Variants in GAREM1 observed in about 807,000 individuals in gnomAD.
GAREM1 encodes GRB2-associated and regulator of MAPK protein 1.
GAREM1 carries 26 observed loss-of-function variants against 71.3 expected under a neutral mutation model. That is an observed-to-expected ratio of 0.36 (90% CI 0.27 to 0.51). GAREM1 has a LOEUF of 0.51. GAREM1 is among the 20% of genes least tolerant of loss of function. The probability of loss-of-function intolerance (pLI) is 0.95; values close to 1 mark genes in which losing one functional copy is unlikely to be tolerated. For missense variants in GAREM1, 1,026 were observed against 1,103.1 expected (o/e 0.93, Z 0.99); for synonymous variants, 440 against 433.2 (o/e 1.02, Z -0.20).
At chr18:32,371,098 G>A (rs1168387101) in intron 2 of GAREM1, among the ~76,000 whole-genome samples, 1 of 152,080 alleles carries the variant, frequency 6.6e-6, no homozygotes, top group Non-Finnish European at 1.5e-5. Flanking sequence ...TAGATGACGG[G>A]TGATGAAGCC....
intron 2 of GAREM1, among the ~76,000 whole-genome samples, chr18:32,346,771 T>C (rs1022287403): frequency 6.6e-6 from 1 of 152,240 alleles, no homozygotes; most frequent in African/African-American, 2.4e-5. Flanking sequence ...CAAAAACTTT[T>C]AATAAGGTTC....
intron 3 of GAREM1, among the ~76,000 whole-genome samples, chr18:32,302,720 G>A (rs893866300): frequency 6.6e-6 from 1 of 152,152 alleles, no homozygotes; most frequent in Non-Finnish European, 1.5e-5. Context: ...GGGAGAATGG[G>A]AAGATGCTGG....
chr18:32,268,525 G>T lies in GAREM1; in HGVS notation c.1977C>A (p.Gly659=). 37 of 1,614,156 alleles carry T rather than the reference G, an allele frequency of 2.3e-5. No homozygotes were observed. The highest frequency in any genetic ancestry group is 3.1e-5 in the Non-Finnish European group (37 of 1,180,020). The change falls in exon 6 of 6, where the codon GGC becomes GGA. Residue 659 remains glycine (G), a synonymous_variant. Coordinates refer to ENST00000269209, the MANE Select transcript of GAREM1 (RefSeq NM_001242409.2). Reference sequence around the variant, plus strand: ...GTGCTGGGCAGTTTCTCTTTGGTGTGCCTGGCGTCTTTTGTCTAGGGTAAC... The same window carrying T: ...GTGCTGGGCAGTTTCTCTTTGGTGTTCCTGGCGTCTTTTGTCTAGGGTAAC... ...SYSYPRQKTP[G]TPKRNCPAPF...
intron 1 of GAREM1, among the ~76,000 whole-genome samples, chr18:32,461,330 G>A (rs2048952260): frequency 6.6e-6 from 1 of 152,134 alleles, no homozygotes; most frequent in Non-Finnish European, 1.5e-5. Flanking sequence ...ATTCAAGTAA[G>A]CAATTCTTAT....
chr18:32,341,829 T>C (rs1161781656), intron 2 of GAREM1, among the ~76,000 whole-genome samples: 3 of 152,084 alleles, frequency 2.0e-5, no homozygotes, highest in Non-Finnish European at 4.4e-5. Context: ...ATGGCAGAAC[T>C]GGAGAGAAGT....
chr18:32,419,781 C>T (rs1035810827), intron 1 of GAREM1, among the ~76,000 whole-genome samples: 3 of 152,024 alleles, frequency 2.0e-5, no homozygotes, highest in African/African-American at 7.3e-5. Flanking sequence ...ATCACACATG[C>T]TAATACAGGA....
intron 2 of GAREM1, among the ~76,000 whole-genome samples, chr18:32,331,858 C>G (rs767931588): frequency 1.3e-5 from 2 of 151,500 alleles, no homozygotes; most frequent in South Asian, 4.2e-4. Context: ...AGAAACACTG[C>G]GAGTGGTGAC....
intron 2 of GAREM1, among the ~76,000 whole-genome samples, chr18:32,359,770 T>C (rs1045048756): frequency 7.9e-5 from 12 of 152,004 alleles, no homozygotes; most frequent in African/African-American, 2.9e-4. Context: ...AAAGTTTTTT[T>C]AAAAAATTAG....
intron 1 of GAREM1, among the ~76,000 whole-genome samples, chr18:32,434,230 C>T (rs2048653271): frequency 6.6e-6 from 1 of 152,128 alleles, no homozygotes; most frequent in Non-Finnish European, 1.5e-5. Flanking sequence ...TGTTAGGTAT[C>T]AGAGTTATAC....
At chr18:32,321,214 TC>T (rs2144538786) in intron 2 of GAREM1, among the ~76,000 whole-genome samples, 1 of 152,224 alleles carries the variant, frequency 6.6e-6, no homozygotes, top group East Asian at 1.9e-4. Context: ...AAGCCCAGAC[TC>T]CTCTGCCTCG....
chr18:32,376,233 T>C (rs1283874147), intron 2 of GAREM1, among the ~76,000 whole-genome samples: 2 of 152,234 alleles, frequency 1.3e-5, no homozygotes, highest in African/African-American at 2.4e-5. Context: ...AAGTGATGCA[T>C]TGACGTCTCA....
chr18:32,360,976 C>T (rs2144609499), intron 2 of GAREM1, among the ~76,000 whole-genome samples: 1 of 152,208 alleles, frequency 6.6e-6, no homozygotes, highest in South Asian at 2.1e-4. Flanking sequence ...CCAGTTATGT[C>T]AAAATATTCT....
chr18:32,392,973 T>C lies in GAREM1; in HGVS notation c.184A>G (p.Thr62Ala). ...YLLIHSCRQW[T>A]TITAHSLEEG... ...TCCAAGCTGTGGGCAGTGATGGTGGTCCACTGGCGGCAGGAATGAATCAGC... is the reference window on the plus strand; with the variant it reads ...TCCAAGCTGTGGGCAGTGATGGTGGCCCACTGGCGGCAGGAATGAATCAGC... The change falls in exon 2 of 6, where the codon ACC (threonine) becomes GCC (alanine). Residue 62 changes from threonine to alanine, a missense_variant. Transcript: ENST00000269209. 6.2e-7 allele frequency: 1 copy of C among 1,613,820 alleles called. No homozygotes were observed. Among genetic ancestry groups the C allele is most frequent in the Non-Finnish European group, 8.5e-7 (1 of 1,179,840 alleles).
chr18:32,352,598 T>TG, intron 2 of GAREM1, among the ~76,000 whole-genome samples: 1 of 152,100 alleles, frequency 6.6e-6, no homozygotes, highest in Admixed American at 6.5e-5. Flanking sequence ...TGAGATAAAG[T>TG]GGAACAGAAA....
intron 1 of GAREM1, among the ~76,000 whole-genome samples, chr18:32,454,817 G>T (rs1006721969): frequency 6.6e-6 from 1 of 152,128 alleles, no homozygotes; most frequent in African/African-American, 2.4e-5. Flanking sequence ...GGGGAAGCTT[G>T]TAAATACTTT....
intron 1 of GAREM1, among the ~76,000 whole-genome samples, chr18:32,395,491 C>G (rs1286365602): frequency 2.0e-5 from 3 of 152,200 alleles, no homozygotes; most frequent in Non-Finnish European, 2.9e-5. Flanking sequence ...TTATATAGAA[C>G]AGGGGACAGT....
intron 2 of GAREM1, among the ~76,000 whole-genome samples, chr18:32,329,149 C>T (rs2047503330): frequency 1.3e-5 from 2 of 152,062 alleles, no homozygotes; most frequent in East Asian, 3.9e-4. Context: ...GGTGGGAGGA[C>T]CACTTGAGGC....
chr18:32,269,329 G>T (rs2041423344), intron 5 of GAREM1, among the ~76,000 whole-genome samples: 2 of 152,190 alleles, frequency 1.3e-5, no homozygotes, highest in Admixed American at 1.3e-4. Context: ...AATGTCCAGA[G>T]AACAAAAAGT....
intron 2 of GAREM1, among the ~76,000 whole-genome samples, chr18:32,336,354 C>T (rs554917886): frequency 5.4e-5 from 8 of 149,082 alleles, no homozygotes; most frequent in East Asian, 2.0e-4. Context: ...GGCGTGAACC[C>T]GGGAGGTGGA....
Sources: allele counts gnomAD v4.1 joint callset (sites outside exome capture counted in the v4.1 genomes callset), GRCh38; gene constraint gnomAD v4.1.1; transcripts MANE v1.5; gene names NCBI Gene and HGNC (gene_info 2026-07-23, HGNC 2026-07-21).